The following CAAP1 variants were observed in gnomAD, a reference collection of about 807,000 sequenced individuals.
CAAP1 encodes the protein caspase activity and apoptosis inhibitor 1, also known as conserved anti-apoptotic protein.
In CAAP1, 20 loss-of-function variants were observed where a neutral mutation model predicts 34.0. The observed-to-expected ratio is 0.59, with a 90% CI of 0.41 to 0.86. CAAP1 has a LOEUF of 0.86. CAAP1 is among the 40% of genes least tolerant of loss of function. The pLI is 0.00. For missense variants in CAAP1, 538 were observed against 450.5 expected (o/e 1.19, Z -1.76); for synonymous variants, 213 against 166.7 (o/e 1.28, Z -2.14).
intron 5 of CAAP1, among the ~76,000 whole-genome samples, chr9:26,855,625 G>A (rs1017955895): frequency 2.6e-5 from 4 of 152,110 alleles, no homozygotes; most frequent in Non-Finnish European, 4.4e-5. Context: ...AAAATAAAAT[G>A]TAAGTTCATC....
intron 4 of CAAP1, among the ~76,000 whole-genome samples, chr9:26,869,143 C>T (rs977219829): frequency 2.6e-5 from 4 of 151,772 alleles, no homozygotes; most frequent in Non-Finnish European, 2.9e-5. Context: ...GGAGTTGATA[C>T]ACTATTGTTT....
chr9:26,883,067 C>T (rs181762181), intron 4 of CAAP1, among the ~76,000 whole-genome samples: 1 of 152,240 alleles, frequency 6.6e-6, no homozygotes, highest in East Asian at 1.9e-4. Flanking sequence ...CTTGCCTTGT[C>T]TCAGATGAGC....
At chr9:26,883,645 A>G (rs761405629) in intron 4 of CAAP1, among the ~76,000 whole-genome samples, 2 of 152,252 alleles carry the variant, frequency 1.3e-5, no homozygotes, top group African/African-American at 2.4e-5. Flanking sequence ...AATATAATCA[A>G]GCAAAAGCTC....
Position 26,842,214 on chromosome 9 carries a change from T to C in CAAP1, c.*87A>G, listed in dbSNP as rs1286714855. ...AATAAGGGTTACATGAGAAATAACATATAAGACCCCAAATAAATTTTAGAT... is the reference window on the plus strand; with the variant it reads ...AATAAGGGTTACATGAGAAATAACACATAAGACCCCAAATAAATTTTAGAT... On this transcript the variant is annotated 3_prime_UTR_variant, in exon 6 of 6. Transcript: ENST00000333916. 2 of 1,065,094 alleles carry C rather than the reference T, an allele frequency of 1.9e-6. No homozygotes were observed. Among genetic ancestry groups the C allele is most frequent in the South Asian group, 1.7e-5 (1 of 58,528 alleles). The allele number at this position is 1,065,094 out of a possible 1,614,324, so 66.0% of individuals were successfully genotyped here. A position where few individuals can be genotyped will look rare whatever the true frequency, so the allele number is the denominator to read the frequency against.
intron 4 of CAAP1, among the ~76,000 whole-genome samples, chr9:26,865,156 A>G (rs1823103704): frequency 6.6e-6 from 1 of 152,200 alleles, no homozygotes; most frequent in Non-Finnish European, 1.5e-5. Flanking sequence ...GTTTTCTCCT[A>G]AATGATTTTT....
chr9:26,870,821 T>A (rs972143065), intron 4 of CAAP1, among the ~76,000 whole-genome samples: 2 of 151,982 alleles, frequency 1.3e-5, no homozygotes, highest in Non-Finnish European at 2.9e-5. Context: ...TTCACCATGT[T>A]AGCTGGGGTG....
rs376246843 is a variant in CAAP1, at chr9:26,892,231, A to G, written c.303+182T>C. On this transcript the variant is annotated intron_variant, in intron 1 of 5. Transcript: ENST00000333916. ...TCCAGAAACTTGAAGTTCAAGATTC[A>G]AGACACGGATGGGAGTGTGGGGCTC... The G allele has an allele frequency of 6.9e-6, 10 of 1,446,388 alleles. No homozygotes were observed. The African/African-American group carries it at 1.4e-4, about 21-fold the overall frequency. 89.6% of individuals were successfully genotyped at this position (1,446,388 alleles called of 1,614,324 possible).
intron 4 of CAAP1, among the ~76,000 whole-genome samples, chr9:26,863,489 A>G (rs1256190154): frequency 2.0e-5 from 3 of 152,192 alleles, no homozygotes; most frequent in Non-Finnish European, 4.4e-5. Flanking sequence ...GATATTTACA[A>G]AAAGGAAATA....
intron 4 of CAAP1, among the ~76,000 whole-genome samples, chr9:26,864,783 T>C (rs1173780622): frequency 3.3e-5 from 5 of 152,250 alleles, no homozygotes; most frequent in African/African-American, 1.2e-4. Flanking sequence ...TCACTTTGTA[T>C]GGACATTTAA....
intron 5 of CAAP1, among the ~76,000 whole-genome samples, chr9:26,848,800 A>C (rs1822676825): frequency 1.3e-5 from 2 of 152,166 alleles, no homozygotes; most frequent in South Asian, 4.1e-4. Context: ...CTGGCTAATA[A>C]AATGTTTAGA....
intron 5 of CAAP1, among the ~76,000 whole-genome samples, chr9:26,846,278 G>A (rs1230787354): frequency 7.9e-5 from 12 of 151,794 alleles, no homozygotes; most frequent in African/African-American, 2.2e-4. Flanking sequence ...TTAGCCGAGC[G>A]TGGTGGCGGG....
chr9:26,867,736 G>A (rs995312985), intron 4 of CAAP1, among the ~76,000 whole-genome samples: 8 of 151,990 alleles, frequency 5.3e-5, no homozygotes, highest in African/African-American at 1.9e-4. Context: ...TAGAACTGCT[G>A]CTAGATCTTA....
At chr9:26,862,235 C>T (rs1353432090) in intron 4 of CAAP1, among the ~76,000 whole-genome samples, 3 of 152,110 alleles carry the variant, frequency 2.0e-5, no homozygotes, top group Non-Finnish European at 2.9e-5. Flanking sequence ...TGCCAGTATA[C>T]TACATTAAGA....
chr9:26,862,548 G>C (rs1823026723), intron 4 of CAAP1, among the ~76,000 whole-genome samples: 1 of 152,004 alleles, frequency 6.6e-6, no homozygotes, highest in Non-Finnish European at 1.5e-5. Context: ...GTATTATGAA[G>C]AATCACCAGA....
At chr9:26,889,863 G>A (rs1266820463) in intron 1 of CAAP1, among the ~76,000 whole-genome samples, 21 of 95,244 alleles carry the variant, frequency 2.2e-4, no homozygotes, top group East Asian at 9.7e-4. Flanking sequence ...GCGAGACTCT[G>A]TCTCAAAAAA....
intron 4 of CAAP1, among the ~76,000 whole-genome samples, chr9:26,877,483 A>G (rs1009467363): frequency 6.6e-6 from 1 of 152,228 alleles, no homozygotes; most frequent in Non-Finnish European, 1.5e-5. Context: ...AGATGAGTAC[A>G]TGCGTATATC....
At chr9:26,873,638 A>G (rs532031209) in intron 4 of CAAP1, among the ~76,000 whole-genome samples, 1 of 152,306 alleles carries the variant, frequency 6.6e-6, no homozygotes, top group Non-Finnish European at 1.5e-5. Context: ...TAACTGGAAT[A>G]AAGCTTTTTT....
chr9:26,869,993 CAATA>C, intron 4 of CAAP1: 1 of 908,436 alleles, frequency 1.1e-6, no homozygotes, highest in African/African-American at 1.8e-5. Flanking sequence ...GGAAAAATGA[CAATA>C]GATACAGTTT....
In CAAP1 at chr9:26,892,557, G is replaced by GCCC. The variant is rs777576048; in HGVS notation, c.158_159insGGG (p.Ser53delinsArgGly). ...CACTAAAATTGGCGTTCCCACAGCAGCTGACGCTCCCGCAGCCCCCGGCGC... is the reference window on the plus strand; with the variant it reads ...CACTAAAATTGGCGTTCCCACAGCAGCCCCTGACGCTCCCGCAGCCCCCGGCGC... On this transcript the variant is annotated protein_altering_variant, in exon 1 of 6. Transcript: ENST00000333916. 7 of 1,585,708 alleles carry GCCC rather than the reference G, an allele frequency of 4.4e-6. No homozygotes were observed. Among genetic ancestry groups the GCCC allele is most frequent in the Non-Finnish European group, 6.0e-6 (7 of 1,166,590 alleles).
Sources: allele counts gnomAD v4.1 joint callset (sites outside exome capture counted in the v4.1 genomes callset), GRCh38; gene constraint gnomAD v4.1.1; transcripts MANE v1.5; gene names NCBI Gene and HGNC (gene_info 2026-07-23, HGNC 2026-07-21).